The following NPM2 variants were observed in gnomAD, a reference collection of about 807,000 sequenced individuals.
NPM2 encodes the protein nucleophosmin/nucleoplasmin 2, also known as nucleoplasmin-2.
Under a neutral mutation model 32.0 loss-of-function variants are expected in NPM2, and 25 were observed. The ratio of observed to expected loss-of-function variants is 0.78; its 90% CI spans 0.57 to 1.09. The LOEUF is 1.09. Ranked by LOEUF, NPM2 falls within the 50% of genes least tolerant of loss-of-function variation. The pLI is 0.00. For missense variants in NPM2, 282 were observed against 259.9 expected (o/e 1.08, Z -0.58); for synonymous variants, 111 against 94.2 (o/e 1.18, Z -1.04).
At position 22,034,215 on chromosome 8, in the gene NPM2, G is replaced by A; in HGVS notation, c.471G>A (p.Glu157=). ...AGGATGCAGATATATCTCTGGAGGA[G>A]CAAAGCCCTGTCAAACAAGTCAAAA... ...EDEDADISLE[E]QSPVKQVKRL... The change falls in exon 7 of 10, where the codon GAG becomes GAA. Residue 157 remains glutamate (E), a synonymous_variant. Coordinates refer to ENST00000518119, the MANE Select transcript of NPM2 (RefSeq NM_001286680.2). The A allele has an allele frequency of 6.2e-7, 1 of 1,611,500 alleles. No individual in the cohort carries two copies. The highest frequency in any genetic ancestry group is 8.5e-7 in the Non-Finnish European group (1 of 1,178,760).
chr8:22,024,497 T>A lies in NPM2; in HGVS notation c.-267T>A, dbSNP rs1800162969. ...CGGGACAGCTTCTCACGAAAGGTCC[T>A]GGGCCGGCATCATCAGCCTCACCTG... On this transcript the variant is annotated 5_prime_UTR_variant, in exon 1 of 10. Coordinates refer to ENST00000518119, the MANE Select transcript of NPM2 (RefSeq NM_001286680.2). 6.6e-6 allele frequency: 1 copy of A among 152,346 alleles called. No individual in the cohort carries two copies. The highest frequency in any genetic ancestry group is 1.9e-4 in the East Asian group (1 of 5,188). 9.4% of individuals were successfully genotyped at this position (152,346 alleles called of 1,614,324 possible).
chr8:22,026,714 C>G (rs538678767), intron 5 of NPM2, among the ~76,000 whole-genome samples: 1 of 152,140 alleles, frequency 6.6e-6, no homozygotes, highest in Non-Finnish European at 1.5e-5. Context: ...CTTGGCCTCC[C>G]GAAGTGCTGG....
rs780066687 is a variant in NPM2, at chr8:22,025,240, C to CCCGGAG, written c.-6_-1dup. 7 of 1,611,044 alleles carry CCCGGAG rather than the reference C, an allele frequency of 4.3e-6. No individual in the cohort carries two copies. Among genetic ancestry groups the CCCGGAG allele is most frequent in the Non-Finnish European group, 5.9e-6 (7 of 1,179,194 alleles). On this transcript the variant is annotated 5_prime_UTR_variant, in exon 3 of 10. Transcript: ENST00000518119. ...GCTGCCCGGCCAGCCCGCTTCTCTG[C>CCCGGAG]CCGGAGCCATGAATCTCAGTAGCGC...
intron 8 of NPM2, 49 bp from the exon 9 acceptor site, chr8:22,036,444 T>G: frequency 6.3e-7 from 1 of 1,577,684 alleles, no homozygotes; most frequent in Non-Finnish European, 8.6e-7. Context: ...GGAGCTGAGC[T>G]CTCTCCCTGA....
At chr8:22,031,740 G>A (rs746264673) in intron 5 of NPM2, among the ~76,000 whole-genome samples, 7 of 152,170 alleles carry the variant, frequency 4.6e-5, no homozygotes, top group East Asian at 3.9e-4. Flanking sequence ...GCCACCGTGC[G>A]TGCTCGGCCT....
Position 22,033,096 on chromosome 8 carries a change from G to A in NPM2, c.271-34G>A, listed in dbSNP as rs1056047326. 10 of 1,535,056 alleles carry A rather than the reference G, an allele frequency of 6.5e-6. No individual in the cohort carries two copies. The African/African-American group carries it at 8.2e-5, about 13-fold the overall frequency. On this transcript the variant is annotated intron_variant, in intron 5 of 9. Coordinates refer to ENST00000518119, the MANE Select transcript of NPM2 (RefSeq NM_001286680.2). Reference sequence around the variant, plus strand: ...AGTCCCCGAGAGGTGCCAGGCCTAAGTGGCCCTGTCTTCTCTGCTTCCTCC... The same window carrying A: ...AGTCCCCGAGAGGTGCCAGGCCTAAATGGCCCTGTCTTCTCTGCTTCCTCC...
At chr8:22,030,073 G>A (rs1463203133) in intron 5 of NPM2, among the ~76,000 whole-genome samples, 1 of 152,002 alleles carries the variant, frequency 6.6e-6, no homozygotes, top group Admixed American at 6.6e-5. Flanking sequence ...TTTCCAATTA[G>A]ATATATGTTG....
At chr8:22,033,284 C>T in intron 6 of NPM2, 61 bp downstream of exon 6, 4 of 1,240,210 alleles carry the variant, frequency 3.2e-6, no homozygotes, top group Non-Finnish European at 3.6e-6. Flanking sequence ...GGGCTCGGGA[C>T]ATACTAGCTA....
In NPM2 at chr8:22,024,248, C is replaced by G. The variant is rs1315731235; in HGVS notation, c.-516C>G. On this transcript the variant is annotated 5_prime_UTR_variant, in exon 1 of 10. Coordinates refer to ENST00000518119, the MANE Select transcript of NPM2 (RefSeq NM_001286680.2). ...CACCGTTCTGGAGACAGGGCTCGCT[C>G]GCTCTCACGGTAGGCTGGAAGAACG... is the stretch of plus-strand genomic sequence containing the variant. 1 of 152,348 alleles carries G rather than the reference C, an allele frequency of 6.6e-6. No individual in the cohort carries two copies. The highest frequency in any genetic ancestry group is 1.5e-5 in the Non-Finnish European group (1 of 68,152). The allele number at this position is 152,348 out of a possible 1,614,324, so 9.4% of individuals were successfully genotyped here.
chr8:22,026,960 T>C (rs1458225022), intron 5 of NPM2, among the ~76,000 whole-genome samples: 2 of 152,200 alleles, frequency 1.3e-5, no homozygotes, highest in Non-Finnish European at 2.9e-5. Flanking sequence ...TTGAAATCAC[T>C]AGAGGGGGTT....
intron 5 of NPM2, among the ~76,000 whole-genome samples, chr8:22,031,372 A>G (rs1341108519): frequency 6.6e-6 from 1 of 152,116 alleles, no homozygotes; most frequent in African/African-American, 2.4e-5. Context: ...TACCCTCCCC[A>G]TGGTGGTCTC....
intron 5 of NPM2, among the ~76,000 whole-genome samples, chr8:22,027,635 T>G (rs1447880843): frequency 6.6e-6 from 1 of 151,728 alleles, no homozygotes; most frequent in Admixed American, 6.6e-5. Flanking sequence ...AGATGGAGTT[T>G]CACTCTTATC....
At chr8:22,035,973 C>T (rs527305498) in intron 8 of NPM2, among the ~76,000 whole-genome samples, 1 of 149,208 alleles carries the variant, frequency 6.7e-6, no homozygotes, top group African/African-American at 2.5e-5. Flanking sequence ...AAAATAATAA[C>T]CCTGAAAGAA....
intron 5 of NPM2, among the ~76,000 whole-genome samples, chr8:22,027,090 A>G (rs1451242285): frequency 1.3e-5 from 2 of 152,204 alleles, no homozygotes; most frequent in Admixed American, 6.5e-5. Context: ...ACTACTGGTC[A>G]TGTTACAAAT....
intron 5 of NPM2, among the ~76,000 whole-genome samples, chr8:22,027,893 C>T (rs1448554993): frequency 2.0e-5 from 3 of 152,134 alleles, no homozygotes; most frequent in African/African-American, 7.2e-5. Flanking sequence ...AGGCATGAGC[C>T]ACCACACCCA....
intron 7 of NPM2, 31 bp from the exon 8 acceptor site, chr8:22,034,479 C>G: frequency 6.3e-7 from 1 of 1,596,520 alleles, no homozygotes; most frequent in Non-Finnish European, 8.6e-7. Context: ...TTTGTCTGAA[C>G]TCTCATAATA....
intron 5 of NPM2, among the ~76,000 whole-genome samples, chr8:22,027,618 T>TTC (rs1563352304): frequency 6.6e-6 from 1 of 151,096 alleles, no homozygotes; most frequent in Admixed American, 6.6e-5. Context: ...TTTTTTTTTT[T>TTC]CCCCTGAGAT....
chr8:22,035,687 A>G (rs558904114), intron 8 of NPM2, among the ~76,000 whole-genome samples: 4 of 152,312 alleles, frequency 2.6e-5, no homozygotes, highest in African/African-American at 9.6e-5. Flanking sequence ...TAATCCCAGC[A>G]CTTTGGGAAG....
At chr8:22,028,658 T>C (rs1473129722) in intron 5 of NPM2, among the ~76,000 whole-genome samples, 1 of 152,068 alleles carries the variant, frequency 6.6e-6, no homozygotes, top group African/African-American at 2.4e-5. Context: ...ACAGGTTAGA[T>C]CATGTGGCTT....
Sources: allele counts gnomAD v4.1 joint callset (sites outside exome capture counted in the v4.1 genomes callset), GRCh38; gene constraint gnomAD v4.1.1; transcripts MANE v1.5; gene names NCBI Gene and HGNC (gene_info 2026-07-23, HGNC 2026-07-21).